AVEN: variants seen among roughly 807,000 people sequenced by gnomAD.
AVEN encodes the protein apoptosis and caspase activation inhibitor, also known as cell death regulator Aven.
In AVEN, 41 loss-of-function variants were observed where a neutral mutation model predicts 38.1. That is an observed-to-expected ratio of 1.08 (90% confidence interval 0.84 to 1.40). The LOEUF (loss-of-function observed/expected upper bound fraction) is 1.40. Among genes scored for constraint, AVEN ranks in the 40% most tolerant of loss-of-function variants. The pLI is 0.00. For missense variants in AVEN, 605 were observed against 438.8 expected (o/e 1.38, Z -3.38); for synonymous variants, 206 against 171.8 (o/e 1.20, Z -1.56).
At chr15:33,862,340 C>T (rs569460898), downstream of AVEN, among the ~76,000 whole-genome samples, 6 of 151,318 alleles carry the variant, frequency 4.0e-5, no homozygotes, top group South Asian at 1.3e-3. Flanking sequence ...TCCTGAGTAG[C>T]TGGGACAGGT....
chr15:33,896,458 T>C (rs565376200), intron 2 of AVEN, among the ~76,000 whole-genome samples: 1 of 152,312 alleles, frequency 6.6e-6, no homozygotes, highest in East Asian at 1.9e-4. Flanking sequence ...ATGTTCTTTC[T>C]TGCATTCATG....
At chr15:33,886,794 T>A (rs77657690) in intron 2 of AVEN, among the ~76,000 whole-genome samples, 1 of 152,138 alleles carries the variant, frequency 6.6e-6, no homozygotes, top group Admixed American at 6.5e-5. Context: ...ACTAATACAT[T>A]TGTCAACTAA....
At position 33,876,006 on chromosome 15, in the gene AVEN, GA is replaced by G. The variant is rs11295548; in HGVS notation, c.446-12del. ...GTGAGAATGAGTCCCCTAGGAATAGGAAAAAAAAAAAAATTTATGCAAAAGC... is the reference window on the plus strand; with the variant it reads ...GTGAGAATGAGTCCCCTAGGAATAGGAAAAAAAAAAAATTTATGCAAAAGC... On this transcript the variant is annotated splice_polypyrimidine_tract_variant and intron_variant, in intron 2 of 5. Transcript: ENST00000306730. The G allele has an allele frequency of 0.11, 107,388 of 994,292 alleles. 1,196 individuals are homozygous for G. Among genetic ancestry groups the G allele is most frequent in the South Asian group, 0.25 (14,832 of 59,184 alleles). The allele number at this position is 994,292 out of a possible 1,614,324, so 61.6% of individuals were successfully genotyped here.
At chr15:34,054,053 A>C (rs903290661) in intron 5 of AVEN, among the ~76,000 whole-genome samples, 7 of 152,206 alleles carry the variant, frequency 4.6e-5, no homozygotes, top group African/African-American at 9.7e-5. Context: ...GAAGACATAC[A>C]TGCGGCCAAA....
chr15:34,050,580 C>G (rs889212094), intron 5 of AVEN, among the ~76,000 whole-genome samples: 3 of 152,052 alleles, frequency 2.0e-5, no homozygotes, highest in Non-Finnish European at 4.4e-5. Context: ...TGCCAAGACC[C>G]ATCAGTATGC....
chr15:33,933,516 CACACACACAGAGAG>C (rs1567420602), intron 2 of AVEN, among the ~76,000 whole-genome samples: 5 of 120,146 alleles, frequency 4.2e-5, no homozygotes, highest in African/African-American at 1.6e-4. Flanking sequence ...CACACACACA[CACACACACAGAGAG>C]AGAGAGAGAG....
intron 1 of AVEN, among the ~76,000 whole-genome samples, chr15:34,020,517 G>T (rs758847766): frequency 1.3e-5 from 2 of 152,108 alleles, no homozygotes; most frequent in Non-Finnish European, 2.9e-5. Flanking sequence ...GTTAACTAAA[G>T]GGTTAATGCC....
At chr15:33,867,971 C>CAGAT (rs1310127221) in intron 4 of AVEN, 116 bp from the exon 5 acceptor site, 5 of 1,371,486 alleles carry the variant, frequency 3.6e-6, no homozygotes, top group Non-Finnish European at 4.9e-6. Flanking sequence ...AAACTCAATT[C>CAGAT]AGATAGTTCA....
At chr15:33,936,885 A>T (rs1364948442) in intron 2 of AVEN, among the ~76,000 whole-genome samples, 3 of 152,206 alleles carry the variant, frequency 2.0e-5, no homozygotes, top group Admixed American at 1.3e-4. Context: ...TAATCCCAAC[A>T]CTTTGGGAGG....
At chr15:34,034,258 G>C (rs767972632) in intron 1 of AVEN, among the ~76,000 whole-genome samples, 1 of 152,058 alleles carries the variant, frequency 6.6e-6, no homozygotes, top group Non-Finnish European at 1.5e-5. Flanking sequence ...GCCTGGGCAA[G>C]ACAGTGAGAC....
At position 33,969,924 on chromosome 15, in the gene AVEN, T is replaced by C. The variant is rs557039518; in HGVS notation, c.445+33108A>G. ...AAGAAATTCCCTAGAAATCACTGCA[T>C]AATGAGACTTCTAGAGTGACAATCT... On this transcript the variant is annotated intron_variant, in intron 2 of 5. Transcript: ENST00000306730. Among the ~76,000 whole-genome samples the C allele has an allele frequency of 1.4e-4, 22 of 152,138 alleles. No homozygotes were observed. The Middle Eastern group carries it at 0.01, about 71-fold the overall frequency.
At chr15:33,864,967 C>CCAAA (rs1445840693), downstream of AVEN, 10 of 560,494 alleles carry the variant, frequency 1.8e-5, no homozygotes, top group East Asian at 8.6e-5. Context: ...TTCTTGCTTC[C>CCAAA]CAAACAGCCT....
At chr15:34,062,606 C>A in intron 5 of AVEN, 1 of 838,464 alleles carries the variant, frequency 1.2e-6, no homozygotes, top group Non-Finnish European at 1.8e-6. Flanking sequence ...GAAAATCATG[C>A]TGGTGTGCGA....
intron 1 of AVEN, among the ~76,000 whole-genome samples, chr15:34,071,444 T>C (rs562495712): frequency 6.6e-6 from 1 of 152,194 alleles, no homozygotes; most frequent in South Asian, 2.1e-4. Flanking sequence ...AAGCTAATTT[T>C]TTTTTATTTT....
At chr15:33,871,368 A>ACCAT (rs1890943295) in intron 3 of AVEN, among the ~76,000 whole-genome samples, 1 of 152,132 alleles carries the variant, frequency 6.6e-6, no homozygotes, top group African/African-American at 2.4e-5. Flanking sequence ...GGAGTTTGAG[A>ACCAT]CCATCCTAGC....
rs536293074 is a variant in AVEN at position 33,959,071 on chromosome 15, T to C, written c.445+43961A>G. Among the ~76,000 whole-genome samples the C allele has an allele frequency of 5.1e-4, 78 of 152,310 alleles. 1 individual carries two copies. The highest frequency in any genetic ancestry group is 8.8e-5 in the Non-Finnish European group (6 of 68,028). On this transcript the variant is annotated intron_variant, in intron 2 of 5. Transcript: ENST00000306730. The stretch of plus-strand genomic sequence containing the variant: ...AATATGCCAAGCATATGCTTGCCTC[T>C]GATTCTTCACTCAAGCTGCTTCTCA...
chr15:33,859,553 C>A (rs2153013261), intron 11 of AVEN: 5 of 1,613,112 alleles, frequency 3.1e-6, no homozygotes, highest in Non-Finnish European at 4.2e-6. Flanking sequence ...TTGCCTAAAT[C>A]CCCCTTATTT....
At chr15:34,058,252 T>C (rs78412602) in intron 5 of AVEN, among the ~76,000 whole-genome samples, 1,905 of 152,304 alleles carry the variant, frequency 0.013, 35 homozygotes, top group Admixed American at 0.047. Context: ...TCTAGACTGG[T>C]GTTTGACAAA....
chr15:34,033,778 G>A (rs925434643), intron 1 of AVEN, among the ~76,000 whole-genome samples: 1 of 152,074 alleles, frequency 6.6e-6, no homozygotes, highest in Admixed American at 6.6e-5. Flanking sequence ...CTACTAAAGA[G>A]TTGGGTTTTG....
Sources: gnomAD v4.1 joint callset for allele counts (sites outside exome capture counted in the v4.1 genomes callset) on GRCh38, gnomAD v4.1.1 for gene constraint, MANE v1.5 for transcripts, NCBI Gene and HGNC (gene_info 2026-07-23, HGNC 2026-07-21) for gene names.